Variants in MEI1 observed in about 807,000 individuals in gnomAD.
MEI1 encodes meiotic double-stranded break formation protein 1.
MEI1 carries 103 observed loss-of-function variants against 146.2 expected under a neutral mutation model. The ratio of observed to expected loss-of-function variants is 0.70; its 90% confidence interval spans 0.60 to 0.83. The LOEUF (loss-of-function observed/expected upper bound fraction) is 0.83, where lower values mean the gene tolerates loss of function less well. Ranked by LOEUF, MEI1 falls within the 40% of genes least tolerant of loss-of-function variation. MEI1 has a pLI of 0.00. For synonymous variants in MEI1, 652 were observed against 628.2 expected (o/e 1.04, Z -0.57); for missense variants, 1,529 against 1,533.0 (o/e 1.00, Z 0.04).
chr22:41,704,464 A>C (rs574032150), intron 2 of MEI1, among the ~76,000 whole-genome samples: 1 of 142,592 alleles, frequency 7.0e-6, no homozygotes, highest in African/African-American at 2.6e-5. Flanking sequence ...CCCAGGCCGG[A>C]GTCCAGTGGC....
At chr22:41,705,576 A>G (rs372442616) in intron 3 of MEI1, 22 bp downstream of exon 3, 1 of 1,603,006 alleles carries the variant, frequency 6.2e-7, no homozygotes, top group South Asian at 1.1e-5. Flanking sequence ...CCTTGTATCT[A>G]GCACTTGAAG....
intron 7 of MEI1, among the ~76,000 whole-genome samples, chr22:41,726,835 G>C (rs1231784202): frequency 6.6e-6 from 1 of 151,244 alleles, no homozygotes; most frequent in Non-Finnish European, 1.5e-5. Flanking sequence ...GTGCAGTGGC[G>C]ATATCTTGGC....
intron 3 of MEI1, among the ~76,000 whole-genome samples, chr22:41,707,196 C>G (rs1213551143): frequency 6.6e-6 from 1 of 152,028 alleles, no homozygotes; most frequent in Middle Eastern, 3.2e-3. Context: ...CAGTGAGACC[C>G]TGTCTCAATT....
chr22:41,779,615 A>T (rs1214172755), intron 22 of MEI1, among the ~76,000 whole-genome samples: 1 of 152,210 alleles, frequency 6.6e-6, no homozygotes, highest in African/African-American at 2.4e-5. Context: ...GATACGGAAT[A>T]CTTATCTAGT....
Position 41,758,337 on chromosome 22 carries a change from G to A in MEI1, c.1952-28G>A, listed in dbSNP as rs1400168998. On this transcript the variant is annotated intron_variant, in intron 17 of 30. Coordinates refer to ENST00000401548, the MANE Select transcript of MEI1 (RefSeq NM_152513.4). ...ACCTGTTCTTCTATGTTCTCTGTGTGGCTTTCCTCTACTTATTCCCTCCCT... is the reference window on the plus strand; with the variant it reads ...ACCTGTTCTTCTATGTTCTCTGTGTAGCTTTCCTCTACTTATTCCCTCCCT... 17 of 1,599,810 alleles carry A rather than the reference G, an allele frequency of 1.1e-5. No individual in the cohort carries two copies. In the Admixed American group the frequency reaches 2.9e-4, roughly 27 times the overall value.
intron 24 of MEI1, among the ~76,000 whole-genome samples, chr22:41,783,535 A>G (rs2075840239): frequency 6.6e-6 from 1 of 151,904 alleles, no homozygotes; most frequent in South Asian, 2.1e-4. Context: ...CAGGTGATCC[A>G]CCCACCTCAG....
At chr22:41,714,439 A>C (rs1376397229) in intron 4 of MEI1, among the ~76,000 whole-genome samples, 1 of 152,102 alleles carries the variant, frequency 6.6e-6, no homozygotes, top group African/African-American at 2.4e-5. Context: ...GTTTTATTTA[A>C]TTTTGAATTG....
At chr22:41,754,134 T>C in intron 17 of MEI1, 88 bp downstream of exon 17, 1 of 975,498 alleles carries the variant, frequency 1.0e-6, no homozygotes, top group Non-Finnish European at 1.6e-6. Flanking sequence ...AGTGAGTTAG[T>C]ACAGCCACGA....
chr22:41,745,016 G>C lies in MEI1; in HGVS notation c.1490G>C (p.Arg497Thr). ...SRDSEKAILQ[R>T]GKFLLSTLEG... is the part of the protein sequence containing the mutation. ...GATTCAGAGAAGGCCATTCTTCAAA[G>C]GGGAAAGTTCCTCCTCAGCACTCTG... The change falls in exon 13 of 31, where the codon AGG (arginine) becomes ACG (threonine). Residue 497 changes from arginine (R) to threonine (T), a missense_variant. Arg to Thr is a moderately conservative substitution (Grantham distance 71). Coordinates refer to ENST00000401548, the MANE Select transcript of MEI1 (RefSeq NM_152513.4). 6.4e-7 allele frequency: 1 copy of C among 1,566,708 alleles called. No homozygotes were observed. The highest frequency in any genetic ancestry group is 8.7e-7 in the Non-Finnish European group (1 of 1,155,006).
chr22:41,703,489 A>G, intron 2 of MEI1, 35 bp downstream of exon 2: 1 of 1,524,976 alleles, frequency 6.6e-7, no homozygotes, highest in South Asian at 1.3e-5. Flanking sequence ...ATGAGTTTTG[A>G]ATGTATAGTA....
At chr22:41,773,930 A>G (rs2075315973) in intron 20 of MEI1, among the ~76,000 whole-genome samples, 1 of 152,214 alleles carries the variant, frequency 6.6e-6, no homozygotes. Flanking sequence ...GTCTGTTCAT[A>G]TATATAATTC....
At chr22:41,777,673 T>C (rs1267964305) in intron 21 of MEI1, among the ~76,000 whole-genome samples, 1 of 152,164 alleles carries the variant, frequency 6.6e-6, no homozygotes, top group Admixed American at 6.5e-5. Flanking sequence ...TTGGGTCTAT[T>C]TGGGCCATAG....
intron 26 of MEI1, among the ~76,000 whole-genome samples, chr22:41,789,567 T>C (rs1006184626): frequency 6.6e-6 from 1 of 152,190 alleles, no homozygotes; most frequent in Non-Finnish European, 1.5e-5. Context: ...GTTGTGCAAC[T>C]TTCACCATCA....
At chr22:41,736,112 G>A (rs2072337680) in intron 11 of MEI1, among the ~76,000 whole-genome samples, 4 of 152,190 alleles carry the variant, frequency 2.6e-5, no homozygotes, top group South Asian at 2.1e-4. Flanking sequence ...TCCAGCTTCT[G>A]GTGGCTCCGG....
chr22:41,718,732 G>A (rs575409622), intron 6 of MEI1, among the ~76,000 whole-genome samples: 21 of 152,242 alleles, frequency 1.4e-4, no homozygotes, highest in African/African-American at 4.8e-4. Flanking sequence ...AAATTTATTG[G>A]TTTGTAGTTC....
chr22:41,799,295 A>G lies in MEI1; in HGVS notation c.3821A>G (p.Asn1274Ser). 1 of 1,613,494 alleles carries G rather than the reference A, an allele frequency of 6.2e-7. No homozygotes were observed. The highest frequency in any genetic ancestry group is 8.5e-7 in the Non-Finnish European group (1 of 1,179,640). Residue 1274 changes from asparagine (N) to serine (S), a missense_variant, in exon 31 of 31, where the codon AAC (asparagine) becomes AGC (serine). Transcript: ENST00000401548. ...GCTGTATCCCTGTCCCACATCAGAA[A>G]CTGATCCTCAGGACTTGAAGGCCCA... ...GVAVSLSHIR[N>S]
chr22:41,709,642 A>G, intron 3 of MEI1, among the ~76,000 whole-genome samples: 1 of 151,742 alleles, frequency 6.6e-6, no homozygotes, highest in East Asian at 1.9e-4. Flanking sequence ...GATGTTTTTC[A>G]TTAACTTTTA....
chr22:41,735,329 T>A (rs1357820189), intron 11 of MEI1, among the ~76,000 whole-genome samples: 1 of 150,616 alleles, frequency 6.6e-6, no homozygotes, highest in Non-Finnish European at 1.5e-5. Context: ...CCTCCCGGGT[T>A]CAAGTGATTC....
chr22:41,727,883 G>A (rs1462993336), intron 7 of MEI1, among the ~76,000 whole-genome samples: 1 of 152,098 alleles, frequency 6.6e-6, no homozygotes, highest in Non-Finnish European at 1.5e-5. Context: ...CAGTACCCCA[G>A]GTTTTTATGG....
Sources: gnomAD v4.1 joint callset for allele counts (sites outside exome capture counted in the v4.1 genomes callset) on GRCh38, gnomAD v4.1.1 for gene constraint, MANE v1.5 for transcripts, NCBI Gene and HGNC (gene_info 2026-07-23, HGNC 2026-07-21) for gene names.